Variants in SDK2 observed in about 807,000 individuals in gnomAD.
SDK2 encodes the protein protein sidekick-2.
Under a neutral mutation model 253.9 loss-of-function variants are expected in SDK2, and 105 were observed. That is an observed-to-expected ratio of 0.41 (90% CI 0.35 to 0.49). SDK2 has a LOEUF of 0.49. Among genes scored for constraint, SDK2 ranks in the 20% least tolerant of loss-of-function variants. The pLI, the probability that SDK2 is intolerant of heterozygous loss-of-function variation, is 0.06. For missense variants in SDK2, 2,608 were observed against 3,003.0 expected, an observed-to-expected ratio of 0.87 and a Z score of 3.07; for synonymous variants, 1,249 against 1,234.9, an observed-to-expected ratio of 1.01 and a Z score of -0.24.
In SDK2 at chr17:73,588,835, G is replaced by A. The variant is rs998197783; in HGVS notation, c.64+55190C>T. Among the ~76,000 whole-genome samples the A allele has an allele frequency of 7.9e-5, 12 of 152,238 alleles. No individual in the cohort carries two copies. The East Asian group carries it at 1.5e-3, about 20-fold the overall frequency. ...AGCACAGCAGCTCTGGGTGACAACC[G>A]GACAGGCGTGGGGCACACTCCTCTA... On this transcript the variant is annotated intron_variant, in intron 1 of 44. Transcript: ENST00000392650.
chr17:73,402,191 A>G (rs1265430965), intron 18 of SDK2, 50 bp from the exon 19 acceptor site: 1 of 1,570,476 alleles, frequency 6.4e-7, no homozygotes, highest in Admixed American at 1.7e-5. Context: ...GTTCCAGAGG[A>G]GGCCAAGCCC....
intron 2 of SDK2, among the ~76,000 whole-genome samples, chr17:73,491,661 C>G (rs545916572): frequency 6.6e-6 from 1 of 152,352 alleles, no homozygotes; most frequent in East Asian, 1.9e-4. Context: ...AGATCACAGG[C>G]AGCAGGTCCC....
At chr17:73,635,481 C>T (rs575039114) in intron 1 of SDK2, among the ~76,000 whole-genome samples, 1 of 152,148 alleles carries the variant, frequency 6.6e-6, no homozygotes, top group Non-Finnish European at 1.5e-5. Context: ...TCTGGGCCTC[C>T]CAGATCTGTA....
At chr17:73,401,909 G>A in intron 19 of SDK2, 37 bp downstream of exon 19, 15 of 1,492,158 alleles carry the variant, frequency 1.0e-5, no homozygotes, top group Non-Finnish European at 1.3e-5. Context: ...GCCTTGGGCG[G>A]GGGGGGGCAG....
rs781453694 is a variant in SDK2, at chr17:73,350,394, T to C, written c.5900-19A>G. Reference sequence around the variant, plus strand: ...CTGTTCCCTGAAGTCGGCGGGAGATTGACACCCTTTAGACTGTGTGGCCTC... The same window carrying C: ...CTGTTCCCTGAAGTCGGCGGGAGATCGACACCCTTTAGACTGTGTGGCCTC... On this transcript the variant is annotated intron_variant, in intron 42 of 44. Coordinates refer to ENST00000392650, the MANE Select transcript of SDK2 (RefSeq NM_001144952.2). 2.5e-6 allele frequency: 4 copies of C among 1,610,292 alleles called. No homozygotes were observed. The highest frequency in any genetic ancestry group is 1.3e-5 in the African/African-American group (1 of 74,994).
At position 73,439,726 on chromosome 17, in the gene SDK2, C is replaced by T. The variant is rs555790402; in HGVS notation, c.725+1086G>A. Reference sequence around the variant, plus strand: ...GTCAGCGCGCTGCCTATGCGCCTTCCGCTGGGGTTGGTGCTCAGATCATTC... The same window carrying T: ...GTCAGCGCGCTGCCTATGCGCCTTCTGCTGGGGTTGGTGCTCAGATCATTC... On this transcript the variant is annotated intron_variant, in intron 6 of 44. Transcript: ENST00000392650. Among the ~76,000 whole-genome samples, 23 of 152,264 alleles carry T rather than the reference C, an allele frequency of 1.5e-4. 1 individual carries two copies. The highest frequency in any genetic ancestry group is 5.2e-4 in the Admixed American group (8 of 15,298).
At chr17:73,448,272 G>C (rs1023318985) in intron 4 of SDK2, among the ~76,000 whole-genome samples, 1 of 152,178 alleles carries the variant, frequency 6.6e-6, no homozygotes, top group African/African-American at 2.4e-5. Context: ...TCCTAAATCT[G>C]TTCAGGATTG....
chr17:73,545,507 AGG>A (rs773176138), intron 1 of SDK2, among the ~76,000 whole-genome samples: 74 of 152,314 alleles, frequency 4.9e-4, no homozygotes, highest in Non-Finnish European at 9.7e-4. Flanking sequence ...AAGGGAGAGA[AGG>A]GGTGCGTTTG....
intron 2 of SDK2, among the ~76,000 whole-genome samples, chr17:73,478,599 G>T (rs1392695315): frequency 6.6e-6 from 1 of 152,204 alleles, no homozygotes; most frequent in East Asian, 1.9e-4. Context: ...GGGAGGAAGA[G>T]CCAGGACAGA....
rs914892567 is a variant in SDK2 at position 73,359,149 on chromosome 17, G to A, written c.5468-945C>T. On this transcript the variant is annotated intron_variant, in intron 39 of 44. Transcript: ENST00000392650. ...TGCTTCCTCTGTGCTTAGGGGATGA[G>A]GGAGGGAACCAGTGCATGAGTGGGT... 3.9e-5 allele frequency among the ~76,000 whole-genome samples: 6 copies of A among 152,212 alleles called. No homozygotes were observed. In the East Asian group the frequency reaches 1.2e-3, roughly 29 times the overall value.
chr17:73,395,438 C>G lies in SDK2; in HGVS notation c.3355-46G>C. 6.5e-7 allele frequency: 1 copy of G among 1,535,388 alleles called. No individual in the cohort carries two copies. The highest frequency in any genetic ancestry group is 1.1e-5 in the South Asian group (1 of 88,686). Reference sequence around the variant, plus strand: ...CAAAGCTGCTATGAGCCAGGCCCCCCACTGTGCAGGGAGGAACTGCCCTGC... The same window carrying G: ...CAAAGCTGCTATGAGCCAGGCCCCCGACTGTGCAGGGAGGAACTGCCCTGC... On this transcript the variant is annotated intron_variant, in intron 24 of 44. Transcript: ENST00000392650. This position sits in a 1 kb window ranked among gnomAD's most constrained non-coding sequence, Gnocchi z 4.3.
chr17:73,633,245 A>G (rs1282077170), intron 1 of SDK2, among the ~76,000 whole-genome samples: 1 of 152,178 alleles, frequency 6.6e-6, no homozygotes, highest in Non-Finnish European at 1.5e-5. Context: ...TTACTACGCC[A>G]CCGCCCTCCA....
intron 1 of SDK2, among the ~76,000 whole-genome samples, chr17:73,558,612 A>T (rs1166627129): frequency 6.6e-6 from 1 of 152,208 alleles, no homozygotes; most frequent in Non-Finnish European, 1.5e-5. Flanking sequence ...TAGGCAGTGG[A>T]CTATGGAGGA....
intron 1 of SDK2, among the ~76,000 whole-genome samples, chr17:73,641,565 C>T (rs913623890): frequency 1.3e-5 from 2 of 152,120 alleles, no homozygotes; most frequent in Non-Finnish European, 2.9e-5. Context: ...CAGGTGATGT[C>T]GCTCAGGTCC....
rs936705379 is a variant in SDK2 at position 73,467,725 on chromosome 17, G to T, written c.331+4387C>A. 6.6e-6 allele frequency among the ~76,000 whole-genome samples: 1 copy of T among 152,194 alleles called. No individual in the cohort carries two copies. Among genetic ancestry groups the T allele is most frequent in the South Asian group, 2.1e-4 (1 of 4,828 alleles). On this transcript the variant is annotated intron_variant, in intron 3 of 44. Coordinates refer to ENST00000392650, the MANE Select transcript of SDK2 (RefSeq NM_001144952.2). The surrounding 1 kb of genome is among the most constrained non-coding windows in gnomAD (Gnocchi z 4.1). The stretch of plus-strand genomic sequence containing the variant: ...GGAACTGCGTTCTTCTCAAGGGTCG[G>T]AAGGACTTCCTAGGGCTTTTCTAAC...
chr17:73,428,578 A>G (rs569856041), intron 12 of SDK2, among the ~76,000 whole-genome samples: 2 of 152,308 alleles, frequency 1.3e-5, no homozygotes, highest in African/African-American at 2.4e-5. Context: ...CAAAAACCGC[A>G]GTTACGTTTG....
chr17:73,583,974 G>A (rs771854570), intron 1 of SDK2, among the ~76,000 whole-genome samples: 4 of 152,318 alleles, frequency 2.6e-5, no homozygotes, highest in African/African-American at 4.8e-5. Context: ...CCCTGGCCAC[G>A]GAGCCCACCT....
intron 5 of SDK2, among the ~76,000 whole-genome samples, chr17:73,444,340 T>A (rs1240191412): frequency 6.6e-6 from 1 of 152,132 alleles, no homozygotes; most frequent in East Asian, 1.9e-4. Flanking sequence ...TTACTGTTAA[T>A]GAAGGTCACC....
intron 2 of SDK2, among the ~76,000 whole-genome samples, chr17:73,477,596 C>T (rs2063695062): frequency 6.6e-6 from 1 of 152,238 alleles, no homozygotes; most frequent in Non-Finnish European, 1.5e-5. Flanking sequence ...ATACAAATGC[C>T]TGCACAAATG....
Sources: allele counts gnomAD v4.1 joint callset (sites outside exome capture counted in the v4.1 genomes callset), GRCh38; gene constraint gnomAD v4.1.1; non-coding constraint Gnocchi (gnomAD v3.1); transcripts MANE v1.5; gene names NCBI Gene and HGNC (gene_info 2026-07-23, HGNC 2026-07-21).